Variants in ATP8B1 observed in about 807,000 individuals in gnomAD.
The protein encoded by ATP8B1 is ATPase phospholipid transporting 8B1, also known as phospholipid-transporting ATPase IC.
Under a neutral mutation model 149.9 loss-of-function variants are expected in ATP8B1, and 80 were observed. The observed-to-expected ratio is 0.53, with a 90% confidence interval of 0.45 to 0.64. The LOEUF (loss-of-function observed/expected upper bound fraction) is 0.64. Ranked by LOEUF, ATP8B1 falls within the 30% of genes least tolerant of loss-of-function variation. ATP8B1 has a pLI of 0.00. For missense variants in ATP8B1, 1,247 were observed against 1,552.6 expected (o/e 0.80, Z 3.31); for synonymous variants, 536 against 562.8 (o/e 0.95, Z 0.67).
At position 57,650,432 on chromosome 18, in the gene ATP8B1, A is replaced by AGC. The variant is rs1431496819; in HGVS notation, c.3465_3466insGC (p.Cys1156AlafsTer14). 1 of 1,614,076 alleles carries AGC rather than the reference A, an allele frequency of 6.2e-7. No homozygotes were observed. The highest frequency in any genetic ancestry group is 8.5e-7 in the Non-Finnish European group (1 of 1,179,934). On this transcript the variant is annotated frameshift_variant, in exon 27 of 28. Transcript: ENST00000648908. LOFTEE classifies it high-confidence loss of function. Reference sequence around the variant, plus strand: ...CGAATGGCAACGACGGGTAGTAAGCACACAGCAACAGCCAGGATGATAGTT... The same window carrying AGC: ...CGAATGGCAACGACGGGTAGTAAGCAGCCACAGCAACAGCCAGGATGATAGTT...
intron 23 of ATP8B1, 61 bp from the exon 24 acceptor site, chr18:57,654,136 A>G (rs766788278): frequency 5.1e-6 from 7 of 1,365,648 alleles, no homozygotes; most frequent in Non-Finnish European, 7.3e-6. Context: ...CCTAGTTAGC[A>G]CATACTCATC....
intron 1 of ATP8B1, among the ~76,000 whole-genome samples, chr18:57,777,237 G>A (rs2080313273): frequency 1.3e-5 from 2 of 152,142 alleles, no homozygotes; most frequent in Admixed American, 1.3e-4. Flanking sequence ...CTCAGCATCT[G>A]AAAGTGCTGG....
chr18:57,790,364 A>G (rs570715121), intron 1 of ATP8B1, among the ~76,000 whole-genome samples: 1 of 151,944 alleles, frequency 6.6e-6, no homozygotes, highest in South Asian at 2.1e-4. Flanking sequence ...TGGATTATCA[A>G]ACAAAACCAG....
chr18:57,678,671 G>A (rs1225491443), intron 15 of ATP8B1, among the ~76,000 whole-genome samples: 1 of 89,844 alleles, frequency 1.1e-5, no homozygotes, highest in Non-Finnish European at 2.5e-5. Context: ...CAATTGACCC[G>A]ACTTCGATTC....
chr18:57,713,196 T>TTTCTTTCCTTCCTTCCTTCC (rs1913791192), intron 2 of ATP8B1, among the ~76,000 whole-genome samples: 3 of 89,976 alleles, frequency 3.3e-5, no homozygotes, highest in Admixed American at 2.5e-4. Flanking sequence ...TCTTTCTTTC[T>TTTCTTTCCTTCCTTCCTTCC]TTCCTTCCTT....
intron 2 of ATP8B1, among the ~76,000 whole-genome samples, chr18:57,725,327 A>C (rs1364074321): frequency 6.6e-6 from 1 of 152,190 alleles, no homozygotes; most frequent in Non-Finnish European, 1.5e-5. Flanking sequence ...TTACCAAAGA[A>C]GTAAAAGATC....
chr18:57,790,679 G>A (rs368289676), intron 1 of ATP8B1, among the ~76,000 whole-genome samples: 1 of 152,064 alleles, frequency 6.6e-6, no homozygotes, highest in Admixed American at 6.6e-5. Flanking sequence ...TTAAATTATG[G>A]TAAAATGGAC....
intron 1 of ATP8B1, among the ~76,000 whole-genome samples, chr18:57,762,314 T>C (rs8090653): frequency 0.46 from 69,079 of 151,504 alleles, 15,995 homozygotes; most frequent in Middle Eastern, 0.52. Context: ...AATTTTTGTA[T>C]TTTCAGTAGA....
intron 1 of ATP8B1, among the ~76,000 whole-genome samples, chr18:57,765,231 G>A (rs1310081381): frequency 6.6e-6 from 1 of 152,232 alleles, no homozygotes; most frequent in Non-Finnish European, 1.5e-5. Flanking sequence ...GAGACAGAAA[G>A]CAGGATGATG....
intron 26 of ATP8B1, among the ~76,000 whole-genome samples, chr18:57,650,734 T>G (rs1300604646): frequency 6.6e-6 from 1 of 152,010 alleles, no homozygotes; most frequent in African/African-American, 2.4e-5. Context: ...TCCCAGCTAC[T>G]CAGGAGACAG....
chr18:57,656,489 G>A lies in ATP8B1; in HGVS notation c.2708-1072C>T, dbSNP rs146039424. Among the ~76,000 whole-genome samples the A allele has an allele frequency of 4.6e-5, 7 of 150,890 alleles. No homozygotes were observed. In the East Asian group the frequency reaches 5.9e-4, roughly 13 times the overall value. On this transcript the variant is annotated intron_variant, in intron 22 of 27. Transcript: ENST00000648908. Reference sequence around the variant, plus strand: ...CAACCTCTGCCTCCTGGGTTCAAGCGATACTCTTGCCTCAGCCTCTCGAGT... The same window carrying A: ...CAACCTCTGCCTCCTGGGTTCAAGCAATACTCTTGCCTCAGCCTCTCGAGT...
In ATP8B1 at chr18:57,775,674, C is replaced by A. The variant is rs112085673; in HGVS notation, c.-26+27324G>T. On this transcript the variant is annotated intron_variant, in intron 1 of 27. Transcript: ENST00000648908. ...TTTTTTTTTTTTTGAAATGGAGTTTCGCTCTTGTTGCCCAGGCTGGAGTGC... is the reference window on the plus strand; with the variant it reads ...TTTTTTTTTTTTTGAAATGGAGTTTAGCTCTTGTTGCCCAGGCTGGAGTGC... 2.8e-3 allele frequency among the ~76,000 whole-genome samples: 362 copies of A among 131,512 alleles called. 1 individual carries two copies. The highest frequency in any genetic ancestry group is 4.2e-3 in the Non-Finnish European group (267 of 63,298). 86.3% of individuals were successfully genotyped at this position (131,512 alleles called of 152,430 possible).
intron 8 of ATP8B1, among the ~76,000 whole-genome samples, chr18:57,696,736 G>A (rs1038526614): frequency 9.2e-5 from 14 of 152,116 alleles, no homozygotes; most frequent in African/African-American, 1.2e-4. Context: ...GACCTTGGGC[G>A]GGCTGCTGCA....
At chr18:57,695,875 C>T (rs1435694583) in intron 8 of ATP8B1, among the ~76,000 whole-genome samples, 1 of 152,210 alleles carries the variant, frequency 6.6e-6, no homozygotes, top group African/African-American at 2.4e-5. Flanking sequence ...TATTTAATCA[C>T]ATTAAAATGA....
chr18:57,760,022 A>G (rs2080132769), intron 1 of ATP8B1, among the ~76,000 whole-genome samples: 1 of 152,118 alleles, frequency 6.6e-6, no homozygotes, highest in Non-Finnish European at 1.5e-5. Context: ...CCCAAATTCA[A>G]AGGCACTAGA....
chr18:57,762,144 T>A (rs111477779), intron 1 of ATP8B1, among the ~76,000 whole-genome samples: 55,731 of 144,874 alleles, frequency 0.38, 10,684 homozygotes, highest in Non-Finnish European at 0.42. Flanking sequence ...TATATATATT[T>A]TTTTTTTCTT....
At chr18:57,704,438 AG>A in intron 4 of ATP8B1, 116 bp downstream of exon 4, 1 of 748,936 alleles carries the variant, frequency 1.3e-6, no homozygotes, top group South Asian at 1.5e-5. Context: ...CTTTATGTAC[AG>A]AACCCTGATG....
Position 57,753,733 on chromosome 18 carries a change from G to A in ATP8B1, c.-25-21901C>T, listed in dbSNP as rs537194130. On this transcript the variant is annotated intron_variant, in intron 1 of 27. Transcript: ENST00000648908. ...ACCTAAGGTCAGGAGTTCATGACCA[G>A]CCTGGTCAACATGGTGAAACCCCAT... Among the ~76,000 whole-genome samples the A allele has an allele frequency of 1.1e-4, 17 of 152,170 alleles. No individual in the cohort carries two copies. In the East Asian group the frequency reaches 3.3e-3, roughly 29 times the overall value.
chr18:57,700,556 A>G (rs977288200), intron 6 of ATP8B1, among the ~76,000 whole-genome samples: 7 of 152,228 alleles, frequency 4.6e-5, no homozygotes, highest in Admixed American at 3.9e-4. Flanking sequence ...AGTACTCAAA[A>G]TAGTCATCTT....
Sources: gnomAD v4.1 joint callset for allele counts (sites outside exome capture counted in the v4.1 genomes callset) on GRCh38, gnomAD v4.1.1 for gene constraint, MANE v1.5 for transcripts, NCBI Gene and HGNC (gene_info 2026-07-23, HGNC 2026-07-21) for gene names.